The following ST8SIA6 variants were observed in gnomAD, a reference collection of about 807,000 sequenced individuals.
ST8SIA6 encodes the protein ST8 alpha-N-acetyl-neuraminide alpha-2,8-sialyltransferase 6, also known as alpha-2,8-sialyltransferase 8F.
A neutral mutation model predicts 33.6 loss-of-function variants in ST8SIA6; 39 were observed. That is an observed-to-expected ratio of 1.16 (90% CI 0.90 to 1.52). The LOEUF is 1.52. Ranked by LOEUF, ST8SIA6 falls within the 40% of genes most tolerant of loss-of-function variation. ST8SIA6 has a pLI of 0.00. For missense variants in ST8SIA6, 441 were observed against 443.8 expected (o/e 0.99, Z 0.06); for synonymous variants, 172 against 167.2 (o/e 1.03, Z -0.22).
intron 4 of ST8SIA6, among the ~76,000 whole-genome samples, chr10:17,343,509 A>T (rs1848738660): frequency 6.6e-6 from 1 of 152,224 alleles, no homozygotes; most frequent in African/African-American, 2.4e-5. Context: ...TGGAGAGGTT[A>T]AAGAGAAAGA....
intron 3 of ST8SIA6, among the ~76,000 whole-genome samples, chr10:17,370,868 C>T (rs1849710828): frequency 6.6e-6 from 1 of 152,146 alleles, no homozygotes; most frequent in African/African-American, 2.4e-5. Context: ...GACTTTGGAG[C>T]AGAGAAGTTA....
chr10:17,440,175 A>G (rs11254597), intron 2 of ST8SIA6, among the ~76,000 whole-genome samples: 40,274 of 151,252 alleles, frequency 0.27, 7,906 homozygotes, highest in African/African-American at 0.56. Flanking sequence ...CAGTTTTGTA[A>G]TAGTTTCTCA....
intron 2 of ST8SIA6, among the ~76,000 whole-genome samples, chr10:17,419,001 A>AAAAAG (rs1336041474): frequency 6.0e-5 from 9 of 150,896 alleles, no homozygotes; most frequent in Non-Finnish European, 1.0e-4. Flanking sequence ...CTCAAAAAAA[A>AAAAAG]AAAAAAAAAA....
chr10:17,412,313 A>T (rs1393382631), intron 2 of ST8SIA6, among the ~76,000 whole-genome samples: 4 of 152,132 alleles, frequency 2.6e-5, no homozygotes, highest in Non-Finnish European at 5.9e-5. Context: ...GACTAACCCA[A>T]CTGCCAAGCC....
chr10:17,432,857 C>A (rs1852142892), intron 2 of ST8SIA6, among the ~76,000 whole-genome samples: 1 of 152,210 alleles, frequency 6.6e-6, no homozygotes, highest in Admixed American at 6.5e-5. Context: ...GACTCATAGA[C>A]TGCTAAGTGT....
chr10:17,327,123 G>A lies in ST8SIA6; in HGVS notation c.526C>T (p.Gln176Ter), dbSNP rs1280565450. The change falls in exon 6 of 8, where the codon CAG becomes TAG. Residue 176 changes from glutamine (Q) to a stop codon, truncating the protein, a stop_gained. Coordinates refer to ENST00000377602, the MANE Select transcript of ST8SIA6 (RefSeq NM_001004470.3). LOFTEE classifies it high-confidence loss of function. ...TTATAAGGGTAGTCCACAAAAGGCT[G>A]GGACTAGCAGGAGAAAGTGGAAAAC... ...KNIFHMFPVS[Q>*]PFVDYPYNQC... is the part of the protein sequence containing the mutation. The A allele has an allele frequency of 6.3e-7, 1 of 1,592,548 alleles. No individual in the cohort carries two copies. Among genetic ancestry groups the A allele is most frequent in the Non-Finnish European group, 8.5e-7 (1 of 1,171,912 alleles).
chr10:17,396,552 A>C (rs1192412249), intron 2 of ST8SIA6, among the ~76,000 whole-genome samples: 1 of 152,068 alleles, frequency 6.6e-6, no homozygotes, highest in African/African-American at 2.4e-5. Flanking sequence ...AGCCACCCTG[A>C]CTTTCCTTCT....
intron 7 of ST8SIA6, among the ~76,000 whole-genome samples, chr10:17,322,385 T>C (rs1261553777): frequency 6.6e-6 from 1 of 152,208 alleles, no homozygotes; most frequent in African/African-American, 2.4e-5. Context: ...GTAGTATCTA[T>C]GTGTATGATT....
chr10:17,440,352 C>A (rs1340604481), intron 2 of ST8SIA6, among the ~76,000 whole-genome samples: 2 of 151,866 alleles, frequency 1.3e-5, no homozygotes, highest in African/African-American at 4.8e-5. Flanking sequence ...ATTACAGGCG[C>A]CCGCCACCAT....
At chr10:17,445,806 G>T (rs1257226136) in intron 2 of ST8SIA6, among the ~76,000 whole-genome samples, 2 of 152,186 alleles carry the variant, frequency 1.3e-5, no homozygotes, top group East Asian at 3.8e-4. Flanking sequence ...TAGGAAGAGG[G>T]TGGTGGATAC....
chr10:17,357,785 C>T (rs1026035571), intron 4 of ST8SIA6, among the ~76,000 whole-genome samples: 5 of 152,164 alleles, frequency 3.3e-5, no homozygotes, highest in African/African-American at 1.2e-4. Flanking sequence ...ATACTCCCTA[C>T]TTTGATCATT....
At chr10:17,331,790 T>C (rs554944862) in intron 4 of ST8SIA6, among the ~76,000 whole-genome samples, 1 of 152,346 alleles carries the variant, frequency 6.6e-6, no homozygotes, top group South Asian at 2.1e-4. Context: ...TTTGATTTCT[T>C]TTTTAATTTT....
chr10:17,348,528 A>C (rs1848924305), intron 4 of ST8SIA6, among the ~76,000 whole-genome samples: 1 of 152,134 alleles, frequency 6.6e-6, no homozygotes, highest in Non-Finnish European at 1.5e-5. Context: ...TGCTCTGAGA[A>C]ACTGTGTCTT....
At chr10:17,382,397 C>T (rs1177794903) in intron 3 of ST8SIA6, among the ~76,000 whole-genome samples, 5 of 152,116 alleles carry the variant, frequency 3.3e-5, no homozygotes, top group Non-Finnish European at 7.4e-5. Context: ...TCCAGAGTAG[C>T]TGGGACTACA....
intron 4 of ST8SIA6, among the ~76,000 whole-genome samples, chr10:17,347,355 G>C (rs1437355527): frequency 6.6e-6 from 1 of 152,130 alleles, no homozygotes. Context: ...AGACAGCAAG[G>C]GTCATGCAGG....
chr10:17,318,759 AC>A lies in ST8SIA6; in HGVS notation c.*2118del. 1 of 469,662 alleles carries A rather than the reference AC, an allele frequency of 2.1e-6. No individual in the cohort carries two copies. Among genetic ancestry groups the A allele is most frequent in the South Asian group, 1.6e-5 (1 of 64,410 alleles). 29.1% of individuals were successfully genotyped at this position (469,662 alleles called of 1,614,324 possible). ...CTTGGTGAAAAATTTGCAATGATTC[AC>A]CAATACAGAACAAAAAGAACTGTGA... is the stretch of plus-strand genomic sequence containing the variant. On this transcript the variant is annotated 3_prime_UTR_variant, in exon 8 of 8. Transcript: ENST00000377602.
chr10:17,359,446 C>T (rs755092385), intron 4 of ST8SIA6, 68 bp downstream of exon 4: 4 of 1,247,018 alleles, frequency 3.2e-6, no homozygotes, highest in Non-Finnish European at 4.6e-6. Context: ...TAACATATTG[C>T]CTATTTTTCT....
intron 4 of ST8SIA6, among the ~76,000 whole-genome samples, chr10:17,338,663 C>G (rs994358749): frequency 2.0e-5 from 3 of 152,210 alleles, no homozygotes; most frequent in African/African-American, 7.2e-5. Context: ...ACATTTGAGG[C>G]TCTCCTTTTA....
chr10:17,332,713 G>A (rs1171955976), intron 4 of ST8SIA6, among the ~76,000 whole-genome samples: 1 of 152,152 alleles, frequency 6.6e-6, no homozygotes, highest in Non-Finnish European at 1.5e-5. Flanking sequence ...GCCTGCCTCA[G>A]CCTCCCAATG....
Sources: allele counts gnomAD v4.1 joint callset (sites outside exome capture counted in the v4.1 genomes callset), GRCh38; gene constraint gnomAD v4.1.1; transcripts MANE v1.5; gene names NCBI Gene and HGNC (gene_info 2026-07-23, HGNC 2026-07-21).